Variants in DYM observed in about 807,000 individuals in gnomAD.
DYM encodes the protein dymeclin.
Under a neutral mutation model 93.1 loss-of-function variants are expected in DYM, and 78 were observed. The ratio of observed to expected loss-of-function variants is 0.84; its 90% confidence interval spans 0.70 to 1.01. DYM has a LOEUF of 1.01. Among genes scored for constraint, DYM ranks in the 50% least tolerant of loss-of-function variants. The pLI is 0.00. For missense variants in DYM, 789 were observed against 845.0 expected (o/e 0.93, Z 0.82); for synonymous variants, 321 against 319.7 (o/e 1.00, Z -0.04).
intron 8 of DYM, among the ~76,000 whole-genome samples, chr18:49,302,648 GA>G (rs1164177247): frequency 2.6e-5 from 4 of 152,128 alleles, no homozygotes; most frequent in African/African-American, 4.8e-5. Context: ...AAGGGGGAAG[GA>G]AAACAGTAGC....
chr18:49,103,676 C>T (rs1391882521), intron 16 of DYM, among the ~76,000 whole-genome samples: 1 of 152,156 alleles, frequency 6.6e-6, no homozygotes, highest in Non-Finnish European at 1.5e-5. Flanking sequence ...GGAATCCTTT[C>T]CCCATTTCTT....
At chr18:49,363,048 A>G in intron 6 of DYM, 113 bp downstream of exon 6, 1 of 812,048 alleles carries the variant, frequency 1.2e-6, no homozygotes, top group East Asian at 2.6e-5. Flanking sequence ...TAGAATCCTT[A>G]AAAGGCACAC....
At position 49,037,422 on chromosome 18, in the gene DYM, C is replaced by T. The variant is rs548329004; in HGVS notation, c.*6633G>A. On this transcript the variant is annotated 3_prime_UTR_variant, in exon 18 of 18. Transcript: ENST00000675505. Reference sequence around the variant, plus strand: ...ACAATAGACACTAGGGACTCCAAAACGAGGGAGGAAGGGAAGGAGAGAGGG... The same window carrying T: ...ACAATAGACACTAGGGACTCCAAAATGAGGGAGGAAGGGAAGGAGAGAGGG... Among the ~76,000 whole-genome samples, 2 of 151,820 alleles carry T rather than the reference C, an allele frequency of 1.3e-5. No individual in the cohort carries two copies. The highest frequency in any genetic ancestry group is 2.4e-5 in the African/African-American group (1 of 41,356).
chr18:49,438,379 T>G (rs1421441020), intron 1 of DYM, among the ~76,000 whole-genome samples: 1 of 152,130 alleles, frequency 6.6e-6, no homozygotes, highest in Non-Finnish European at 1.5e-5. Flanking sequence ...AATCATATTT[T>G]TTTAAATAGC....
At chr18:49,055,659 C>A (rs1267494470) in intron 17 of DYM, among the ~76,000 whole-genome samples, 1 of 152,182 alleles carries the variant, frequency 6.6e-6, no homozygotes, top group Non-Finnish European at 1.5e-5. Context: ...TGGGATCCTG[C>A]CCATTAGTAG....
Position 49,355,414 on chromosome 18 carries a change from A to C in DYM, c.494+7747T>G, listed in dbSNP as rs536897134. Among the ~76,000 whole-genome samples the C allele has an allele frequency of 6.6e-5, 10 of 152,264 alleles. No homozygotes were observed. In the South Asian group the frequency reaches 2.1e-3, roughly 32 times the overall value. On this transcript the variant is annotated intron_variant, in intron 6 of 17. Transcript: ENST00000675505. The stretch of plus-strand genomic sequence containing the variant: ...AGATGATACATTGATACACTGATAG[A>C]TACAATTGACAGATACAATTGATAC...
chr18:49,209,616 G>A lies in DYM; in HGVS notation c.1560C>T (p.Leu520=). The A allele has an allele frequency of 7.8e-7, 1 of 1,289,806 alleles. No individual in the cohort carries two copies. The highest frequency in any genetic ancestry group is 1.0e-6 in the Non-Finnish European group (1 of 988,854). 79.9% of individuals were successfully genotyped at this position (1,289,806 alleles called of 1,614,324 possible). The change falls in exon 14 of 18, where the codon CTC becomes CTT. Residue 520 remains leucine, a synonymous_variant. Transcript: ENST00000675505. Reference sequence around the variant, plus strand: ...ACAAGAGTTCCTCTCCATTGTCACTGAGGGTCGAGAAGCAATGCTGAAGCG... The same window carrying A: ...ACAAGAGTTCCTCTCCATTGTCACTAAGGGTCGAGAAGCAATGCTGAAGCG... The part of the protein sequence containing the change: ...CSTLQHCFST[L]SDNGEELLSL...
rs34297501 is a variant in DYM at position 49,170,780 on chromosome 18, C to CAA, written c.1626-6995_1626-6994dup. The stretch of plus-strand genomic sequence containing the variant: ...TGGGCAACAAAGTGAGACTCCGTCT[C>CAA]AAAAAAAAAAAAAAAAAAAAAAAAA... On this transcript the variant is annotated intron_variant, in intron 14 of 17. Coordinates refer to ENST00000675505, the MANE Select transcript of DYM (RefSeq NM_001353214.3). Among the ~76,000 whole-genome samples, 29 of 31,232 alleles carry CAA rather than the reference C, an allele frequency of 9.3e-4. 3 individuals are homozygous for CAA. The highest frequency in any genetic ancestry group is 1.6e-3 in the South Asian group (1 of 642). 20.5% of individuals were successfully genotyped at this position (31,232 alleles called of 152,430 possible). A position where few individuals can be genotyped will look rare whatever the true frequency, so the allele number is the denominator to read the frequency against.
chr18:49,381,820 A>C (rs928929386), intron 3 of DYM, among the ~76,000 whole-genome samples: 4 of 152,184 alleles, frequency 2.6e-5, no homozygotes, highest in Non-Finnish European at 2.9e-5. Context: ...GATAATGTTA[A>C]GAGTTTCACT....
At chr18:49,348,064 C>A (rs2064756984) in intron 6 of DYM, among the ~76,000 whole-genome samples, 1 of 152,214 alleles carries the variant, frequency 6.6e-6, no homozygotes, top group Admixed American at 6.5e-5. Context: ...CTGCACTGCA[C>A]TGCTAGGGCA....
intron 17 of DYM, among the ~76,000 whole-genome samples, chr18:49,075,569 TAC>T (rs1366477900): frequency 6.6e-6 from 1 of 152,110 alleles, no homozygotes; most frequent in Admixed American, 6.5e-5. Context: ...AAGAGGAAAA[TAC>T]ACATTTCTGG....
In DYM at chr18:49,272,313, A is replaced by T; in HGVS notation, c.1126-10T>A. 1 of 1,475,014 alleles carries T rather than the reference A, an allele frequency of 6.8e-7. No individual in the cohort carries two copies. Among genetic ancestry groups the T allele is most frequent in the Non-Finnish European group, 9.5e-7 (1 of 1,055,492 alleles). 91.4% of individuals were successfully genotyped at this position (1,475,014 alleles called of 1,614,324 possible). On this transcript the variant is annotated splice_polypyrimidine_tract_variant and intron_variant, in intron 10 of 17. Coordinates refer to ENST00000675505, the MANE Select transcript of DYM (RefSeq NM_001353214.3). ...CAAGAATTGGTAAAACCTAGAGAAT[A>T]AAAATTATAATTGACTATTTCAATA...
chr18:49,243,269 A>G (rs936052872), intron 13 of DYM, among the ~76,000 whole-genome samples: 9 of 152,174 alleles, frequency 5.9e-5, no homozygotes, highest in Non-Finnish European at 7.3e-5. Flanking sequence ...TGAATTGCCA[A>G]TGCCTGGAGA....
intron 11 of DYM, among the ~76,000 whole-genome samples, chr18:49,271,792 A>T (rs938803043): frequency 1.3e-5 from 2 of 152,078 alleles, no homozygotes; most frequent in African/African-American, 2.4e-5. Context: ...TATATATATA[A>T]AACAATGGAT....
intron 17 of DYM, among the ~76,000 whole-genome samples, chr18:49,062,148 T>A (rs567693419): frequency 6.6e-6 from 1 of 152,296 alleles, no homozygotes; most frequent in African/African-American, 2.4e-5. Flanking sequence ...TTCTCCTGCC[T>A]TTATCTTCAA....
intron 2 of DYM, among the ~76,000 whole-genome samples, chr18:49,400,838 G>A (rs1362368068): frequency 6.6e-6 from 1 of 152,042 alleles, no homozygotes; most frequent in African/African-American, 2.4e-5. Flanking sequence ...AAGGAACTGG[G>A]GTGGTTGGTA....
At chr18:49,131,304 C>A (rs915015266) in intron 15 of DYM, among the ~76,000 whole-genome samples, 1 of 152,126 alleles carries the variant, frequency 6.6e-6, no homozygotes, top group Non-Finnish European at 1.5e-5. Context: ...AGCAAGCAAG[C>A]GAGCAAGTGA....
chr18:49,118,369 G>A (rs1354338460), intron 16 of DYM, among the ~76,000 whole-genome samples: 1 of 151,872 alleles, frequency 6.6e-6, no homozygotes, highest in Non-Finnish European at 1.5e-5. Context: ...ATAAAATACT[G>A]GAAATAAATG....
At chr18:49,206,732 T>A (rs753732654) in intron 14 of DYM, among the ~76,000 whole-genome samples, 84 of 152,114 alleles carry the variant, frequency 5.5e-4, no homozygotes, top group Non-Finnish European at 5.6e-4. Context: ...TACACTATAT[T>A]AACACTGTAT....
Sources: gnomAD v4.1 joint callset for allele counts (sites outside exome capture counted in the v4.1 genomes callset) on GRCh38, gnomAD v4.1.1 for gene constraint, MANE v1.5 for transcripts, NCBI Gene and HGNC (gene_info 2026-07-23, HGNC 2026-07-21) for gene names.